The following PRKN variants were observed in gnomAD, a reference collection of about 807,000 sequenced individuals.
The protein encoded by PRKN is parkin RBR E3 ubiquitin protein ligase, also known as E3 ubiquitin-protein ligase parkin.
Under a neutral mutation model 59.5 loss-of-function variants are expected in PRKN, and 56 were observed. That is an observed-to-expected ratio of 0.94 (90% CI 0.76 to 1.18). The LOEUF (loss-of-function observed/expected upper bound fraction) is 1.18. Among genes scored for constraint, PRKN ranks in the 50% most tolerant of loss-of-function variants. PRKN has a pLI of 0.00. For synonymous variants in PRKN, 250 were observed against 222.1 expected (o/e 1.13, Z -1.12); for missense variants, 657 against 596.4 (o/e 1.10, Z -1.06).
At chr6:162,328,513 T>C (rs566220136) in intron 2 of PRKN, among the ~76,000 whole-genome samples, 19 of 152,094 alleles carry the variant, frequency 1.2e-4, no homozygotes, top group African/African-American at 2.2e-4. Flanking sequence ...CAAAGATGGG[T>C]GAATAAGAAA....
In PRKN at chr6:162,334,269, T is replaced by C. The variant is rs527256311; in HGVS notation, c.172-71504A>G. Among the ~76,000 whole-genome samples, 28 of 152,344 alleles carry C rather than the reference T, an allele frequency of 1.8e-4. No homozygotes were observed. The South Asian group carries it at 5.2e-3, about 28-fold the overall frequency. The stretch of plus-strand genomic sequence containing the variant: ...ATTCAGTGTAGAGAAAACAGCCTTT[T>C]ATTGCAAGATGCCATCTGGGACTTT... On this transcript the variant is annotated intron_variant, in intron 2 of 11. Coordinates refer to ENST00000366898, the MANE Select transcript of PRKN (RefSeq NM_004562.3).
chr6:161,972,753 C>T (rs779472743), intron 6 of PRKN, among the ~76,000 whole-genome samples: 6 of 152,130 alleles, frequency 3.9e-5, no homozygotes, highest in South Asian at 2.1e-4. Context: ...CATTCCTGGC[C>T]GGGTGCAGTG....
At position 162,106,705 on chromosome 6, in the gene PRKN, T is replaced by A. The variant is rs147544945; in HGVS notation, c.535-52531A>T. Among the ~76,000 whole-genome samples, 333 of 152,290 alleles carry A rather than the reference T, an allele frequency of 2.2e-3. 4 individuals carry two copies. The highest frequency in any genetic ancestry group is 7.5e-3 in the African/African-American group (312 of 41,574). ...AACAAGTTCACGGAAAGGAAAACCA[T>A]TCACATTCGAAATAGAGCTCCATGC... On this transcript the variant is annotated intron_variant, in intron 4 of 11. Coordinates refer to ENST00000366898, the MANE Select transcript of PRKN (RefSeq NM_004562.3).
At chr6:162,459,434 T>C (rs182574439) in intron 1 of PRKN, among the ~76,000 whole-genome samples, 1 of 152,348 alleles carries the variant, frequency 6.6e-6, no homozygotes, top group East Asian at 1.9e-4. Context: ...GTCAGTTAGA[T>C]GGTCAGTAAA....
intron 7 of PRKN, among the ~76,000 whole-genome samples, chr6:161,711,112 C>T (rs1786733773): frequency 6.6e-6 from 1 of 151,790 alleles, no homozygotes. Context: ...AAAAAATAGG[C>T]ACAAGGAGAG....
chr6:161,485,917 T>A (rs1791623743), intron 9 of PRKN, among the ~76,000 whole-genome samples: 1 of 152,194 alleles, frequency 6.6e-6, no homozygotes, highest in Admixed American at 6.5e-5. Context: ...TTTAAACATA[T>A]AAGTTTATTT....
intron 2 of PRKN, among the ~76,000 whole-genome samples, chr6:162,406,934 C>G (rs183129061): frequency 1.9e-3 from 283 of 152,188 alleles, no homozygotes; most frequent in African/African-American, 6.5e-3. Flanking sequence ...AATAATGATT[C>G]CAACTTTCTG....
chr6:162,658,975 T>C (rs1480764177), intron 1 of PRKN, among the ~76,000 whole-genome samples: 2 of 152,218 alleles, frequency 1.3e-5, no homozygotes, highest in Non-Finnish European at 2.9e-5. Flanking sequence ...ATTCTATCAA[T>C]ATATACCTTT....
intron 9 of PRKN, among the ~76,000 whole-genome samples, chr6:161,438,345 G>A (rs1240880669): frequency 6.6e-6 from 1 of 151,088 alleles, no homozygotes; most frequent in Admixed American, 6.6e-5. Context: ...AGCCTCCTGA[G>A]GAGCTAGAAC....
intron 7 of PRKN, among the ~76,000 whole-genome samples, chr6:161,615,946 G>T (rs541385803): frequency 6.6e-6 from 1 of 152,142 alleles, no homozygotes; most frequent in East Asian, 1.9e-4. Context: ...AGTTGGGTTC[G>T]TGCTGCTTAT....
At chr6:161,597,278 C>T (rs897280428) in intron 7 of PRKN, among the ~76,000 whole-genome samples, 6 of 152,188 alleles carry the variant, frequency 3.9e-5, no homozygotes, top group Admixed American at 3.3e-4. Context: ...AGCAAATGTT[C>T]TCAGGTTTCA....
At chr6:161,514,566 G>T (rs1397811331) in intron 9 of PRKN, among the ~76,000 whole-genome samples, 3 of 152,120 alleles carry the variant, frequency 2.0e-5, no homozygotes, top group African/African-American at 7.2e-5. Flanking sequence ...AGCAAGAGAG[G>T]GTTAAGGATC....
At chr6:162,193,690 A>G (rs1357417688) in intron 4 of PRKN, among the ~76,000 whole-genome samples, 1 of 152,152 alleles carries the variant, frequency 6.6e-6, no homozygotes. Flanking sequence ...GCTGCTGAAA[A>G]TCCATTCACC....
chr6:161,772,016 A>ATG (rs1789712328), intron 7 of PRKN, among the ~76,000 whole-genome samples: 3 of 151,976 alleles, frequency 2.0e-5, no homozygotes, highest in African/African-American at 7.2e-5. Context: ...CAGTTACCGA[A>ATG]TGTGTGTGTG....
intron 6 of PRKN, among the ~76,000 whole-genome samples, chr6:161,950,336 G>A (rs537710525): frequency 6.6e-6 from 1 of 152,134 alleles, no homozygotes; most frequent in Non-Finnish European, 1.5e-5. Flanking sequence ...CCTGAGGTCA[G>A]GAGTTCAAGA....
At chr6:161,651,609 G>A (rs768313207) in intron 7 of PRKN, among the ~76,000 whole-genome samples, 14 of 152,088 alleles carry the variant, frequency 9.2e-5, no homozygotes, top group East Asian at 3.8e-4. Context: ...CTAACCCACC[G>A]CCCTATCCTG....
chr6:161,966,734 T>C (rs1043087072), intron 6 of PRKN, among the ~76,000 whole-genome samples: 2 of 152,364 alleles, frequency 1.3e-5, no homozygotes, highest in East Asian at 1.9e-4. Context: ...CAAGGCTTGA[T>C]GGCCAGAAGG....
chr6:161,847,345 G>T (rs1324494827), intron 6 of PRKN, among the ~76,000 whole-genome samples: 1 of 152,044 alleles, frequency 6.6e-6, no homozygotes, highest in African/African-American at 2.4e-5. Context: ...GGTTTGAATG[G>T]GTTAAAAAGC....
intron 7 of PRKN, among the ~76,000 whole-genome samples, chr6:161,664,625 T>G (rs1784660125): frequency 6.6e-6 from 1 of 152,206 alleles, no homozygotes; most frequent in Admixed American, 6.5e-5. Flanking sequence ...TCAAAGCCTA[T>G]ATGCTGGCTT....
Sources: gnomAD v4.1 joint callset for allele counts (sites outside exome capture counted in the v4.1 genomes callset) on GRCh38, gnomAD v4.1.1 for gene constraint, MANE v1.5 for transcripts, NCBI Gene and HGNC (gene_info 2026-07-23, HGNC 2026-07-21) for gene names.